The following SLC23A2 variants were observed in gnomAD, a reference collection of about 807,000 sequenced individuals.
The protein encoded by SLC23A2 is Na(+)/L-ascorbic acid transporter 2.
In SLC23A2, 36 loss-of-function variants were observed where a neutral mutation model predicts 73.3. The ratio of observed to expected loss-of-function variants is 0.49; its 90% confidence interval spans 0.38 to 0.65. The LOEUF (loss-of-function observed/expected upper bound fraction) is 0.65. Among genes scored for constraint, SLC23A2 ranks in the 30% least tolerant of loss-of-function variants. The pLI is 0.00. For synonymous variants in SLC23A2, 343 were observed against 327.3 expected (o/e 1.05, Z -0.52); for missense variants, 507 against 841.6 (o/e 0.60, Z 4.92).
At chr20:4,865,084 C>T (rs1158565373) in intron 13 of SLC23A2, among the ~76,000 whole-genome samples, 5 of 152,186 alleles carry the variant, frequency 3.3e-5, no homozygotes, top group Non-Finnish European at 7.3e-5. Flanking sequence ...CGGTGCTTCC[C>T]CAGGACCTTT....
chr20:4,896,610 C>A (rs1159677905), intron 6 of SLC23A2, among the ~76,000 whole-genome samples: 2 of 152,172 alleles, frequency 1.3e-5, no homozygotes, highest in African/African-American at 2.4e-5. Flanking sequence ...GGAAGGGACC[C>A]CCAGGACGAG....
chr20:4,966,809 TACAC>T (rs56931121), intron 2 of SLC23A2, among the ~76,000 whole-genome samples: 9,411 of 109,398 alleles, frequency 0.086, 596 homozygotes, highest in African/African-American at 0.19. Flanking sequence ...TTGATAGTTT[TACAC>T]ACACACACAC....
intron 1 of SLC23A2, among the ~76,000 whole-genome samples, chr20:4,991,335 C>T (rs2087919666): frequency 6.6e-6 from 1 of 152,188 alleles, no homozygotes. Context: ...GTCTTAACCT[C>T]CTGACCTCAA....
Position 4,856,739 on chromosome 20 carries a change from C to A in SLC23A2, c.*233G>T. 2.1e-6 allele frequency: 1 copy of A among 471,892 alleles called. No homozygotes were observed. The highest frequency in any genetic ancestry group is 3.8e-6 in the Non-Finnish European group (1 of 265,194). The allele number at this position is 471,892 out of a possible 1,614,324, so 29.2% of individuals were successfully genotyped here. On this transcript the variant is annotated 3_prime_UTR_variant, in exon 17 of 17. Transcript: ENST00000338244. The surrounding 1 kb of genome is among the most constrained non-coding windows in gnomAD (Gnocchi z 4.6). ...GAACTTCAAATTTAGTGACCATGGC[C>A]AGCAATGGACACTCTCAAAGGGCAA...
At position 4,872,323 on chromosome 20, in the gene SLC23A2, C is replaced by A. The variant is rs550278252; in HGVS notation, c.1102+1613G>T. Among the ~76,000 whole-genome samples the A allele has an allele frequency of 9.9e-5, 15 of 152,266 alleles. No homozygotes were observed. The highest frequency in any genetic ancestry group is 3.1e-4 in the African/African-American group (13 of 41,538). On this transcript the variant is annotated intron_variant, in intron 11 of 16. Transcript: ENST00000338244. This position sits in a 1 kb window ranked among gnomAD's most constrained non-coding sequence, Gnocchi z 4.4. ...TGGAGGTGGCTTTCTAGCTATGGAG[C>A]TCTGGTACCCCACCAGCCCTCGGCA...
intron 2 of SLC23A2, among the ~76,000 whole-genome samples, chr20:4,960,287 G>A (rs1455666288): frequency 1.3e-5 from 2 of 152,148 alleles, no homozygotes; most frequent in Admixed American, 1.3e-4. Flanking sequence ...GAATAAACAG[G>A]AATTCCTGTA....
intron 2 of SLC23A2, among the ~76,000 whole-genome samples, chr20:4,964,868 G>A (rs2087449972): frequency 1.4e-5 from 2 of 145,650 alleles, no homozygotes; most frequent in Non-Finnish European, 3.0e-5. Flanking sequence ...AAAAAGGAAG[G>A]AAGAGAAGAG....
chr20:4,917,782 C>T (rs7360092), intron 3 of SLC23A2, among the ~76,000 whole-genome samples: 1 of 152,136 alleles, frequency 6.6e-6, no homozygotes, highest in Non-Finnish European at 1.5e-5. Context: ...CTAAGGAAGC[C>T]TGTAATAAGA....
At chr20:4,939,396 T>G (rs6052974) in intron 2 of SLC23A2, among the ~76,000 whole-genome samples, 5,424 of 152,306 alleles carry the variant, frequency 0.036, 325 homozygotes, top group African/African-American at 0.12. Context: ...ACCATCAATG[T>G]ACACCGACCA....
intron 11 of SLC23A2, 91 bp from the exon 12 acceptor site, chr20:4,870,144 A>G: frequency 2.8e-6 from 3 of 1,057,390 alleles, no homozygotes; most frequent in Non-Finnish European, 4.1e-6. Context: ...ACGCTGCAAG[A>G]CTCTACAAGA....
Position 4,899,858 on chromosome 20 carries a change from TC to T in SLC23A2, c.325-147del, listed in dbSNP as rs1258405413. On this transcript the variant is annotated intron_variant, in intron 5 of 16. Coordinates refer to ENST00000338244, the MANE Select transcript of SLC23A2 (RefSeq NM_005116.6). The surrounding 1 kb of genome is among the most constrained non-coding windows in gnomAD (Gnocchi z 4.9). ...GTTTTTCGACCAAGCCATACTTTTTTCCTTCTTTTTCAGTATTTCTCCTTTG... is the reference window on the plus strand; with the variant it reads ...GTTTTTCGACCAAGCCATACTTTTTTCTTCTTTTTCAGTATTTCTCCTTTG... The T allele has an allele frequency of 1.2e-6, 1 of 800,956 alleles. No individual in the cohort carries two copies. Among genetic ancestry groups the T allele is most frequent in the Non-Finnish European group, 1.9e-6 (1 of 513,866 alleles). The allele number at this position is 800,956 out of a possible 1,614,324, so 49.6% of individuals were successfully genotyped here.
chr20:4,953,087 C>A (rs1196839862), intron 2 of SLC23A2, among the ~76,000 whole-genome samples: 1 of 151,782 alleles, frequency 6.6e-6, no homozygotes, highest in African/African-American at 2.4e-5. Context: ...GCAGGCGGAT[C>A]ACAAGGTCAA....
Position 4,854,624 on chromosome 20 carries a change from G to A in SLC23A2, c.*2348C>T, listed in dbSNP as rs1929648055. 1 of 152,134 alleles carries A rather than the reference G, an allele frequency of 6.6e-6. No individual in the cohort carries two copies. Among genetic ancestry groups the A allele is most frequent in the African/African-American group, 2.4e-5 (1 of 41,406 alleles). The allele number at this position is 152,134 out of a possible 1,614,324, so 9.4% of individuals were successfully genotyped here. On this transcript the variant is annotated 3_prime_UTR_variant, in exon 17 of 17. Transcript: ENST00000338244. The stretch of plus-strand genomic sequence containing the variant: ...CTCCAACAGGAGTTGAAAGGGTAGG[G>A]CTTCCTTCCCTGTGTGAAGGCCTAC...
At chr20:4,983,413 A>C (rs576417880) in intron 1 of SLC23A2, among the ~76,000 whole-genome samples, 2 of 152,012 alleles carry the variant, frequency 1.3e-5, no homozygotes, top group Non-Finnish European at 2.9e-5. Flanking sequence ...TCGGGAGGCC[A>C]AGGCGGGCAG....
At chr20:4,943,640 A>G (rs2087076573) in intron 2 of SLC23A2, among the ~76,000 whole-genome samples, 1 of 149,948 alleles carries the variant, frequency 6.7e-6, no homozygotes, top group Non-Finnish European at 1.5e-5. Context: ...GCACGACTAC[A>G]CTCCAGCCCA....
chr20:4,933,573 G>A (rs1329335203), intron 2 of SLC23A2, among the ~76,000 whole-genome samples: 4 of 151,984 alleles, frequency 2.6e-5, no homozygotes, highest in African/African-American at 7.3e-5. Flanking sequence ...AGGTTGCAGT[G>A]AGCCAAGATC....
In SLC23A2 at chr20:4,902,902, A is replaced by G. The variant is rs181886115; in HGVS notation, c.208-344T>C. Among the ~76,000 whole-genome samples the G allele has an allele frequency of 6.9e-4, 105 of 152,218 alleles. No homozygotes were observed. The highest frequency in any genetic ancestry group is 1.1e-3 in the Non-Finnish European group (77 of 68,012). ...GACCACAAAATGATACCTTGGCACG[A>G]GCAGTCCTTGCGTGAGACCCCAGAT... On this transcript the variant is annotated intron_variant, in intron 4 of 16. Transcript: ENST00000338244. The surrounding 1 kb of genome is among the most constrained non-coding windows in gnomAD (Gnocchi z 4.0).
At chr20:4,931,204 G>A (rs911455159) in intron 3 of SLC23A2, among the ~76,000 whole-genome samples, 1 of 151,668 alleles carries the variant, frequency 6.6e-6, no homozygotes, top group Admixed American at 6.6e-5. Context: ...TATTAGCTGA[G>A]CATGGTGGCA....
chr20:4,932,065 C>T (rs973096135), intron 3 of SLC23A2, among the ~76,000 whole-genome samples: 24 of 152,186 alleles, frequency 1.6e-4, no homozygotes, highest in Admixed American at 7.9e-4. Context: ...TACATATGGA[C>T]AGTGGGGTTC....
Sources: gnomAD v4.1 joint callset for allele counts (sites outside exome capture counted in the v4.1 genomes callset) on GRCh38, gnomAD v4.1.1 for gene constraint, Gnocchi (gnomAD v3.1) non-coding constraint, MANE v1.5 for transcripts, NCBI Gene and HGNC (gene_info 2026-07-23, HGNC 2026-07-21) for gene names.